The following LARGE1 variants were observed in gnomAD, a reference collection of about 807,000 sequenced individuals.
LARGE1 encodes xylosyl- and glucuronyltransferase LARGE1.
Under a neutral mutation model 87.6 loss-of-function variants are expected in LARGE1, and 43 were observed. The observed-to-expected ratio is 0.49, with a 90% CI of 0.38 to 0.63. The LOEUF (loss-of-function observed/expected upper bound fraction) is 0.63. LARGE1 is among the 30% of genes least tolerant of loss of function. LARGE1 has a pLI of 0.00. For synonymous variants in LARGE1, 434 were observed against 394.6 expected (o/e 1.10, Z -1.18); for missense variants, 802 against 1,000.2 (o/e 0.80, Z 2.67).
At chr22:33,309,283 C>T (rs948212186) in intron 11 of LARGE1, among the ~76,000 whole-genome samples, 2 of 152,096 alleles carry the variant, frequency 1.3e-5, no homozygotes, top group African/African-American at 2.4e-5. Flanking sequence ...TTTCCTGTCT[C>T]AGCCTTCTGA....
chr22:33,094,642 A>G, the LARGE1 span, among the ~76,000 whole-genome samples: 1 of 149,830 alleles, frequency 6.7e-6, no homozygotes, highest in Non-Finnish European at 1.5e-5. Context: ...ATTCTTTCAC[A>G]TCCTACTCAA....
At chr22:33,175,163 C>G (rs563528096) in intron 11 of LARGE1, among the ~76,000 whole-genome samples, 1 of 152,098 alleles carries the variant, frequency 6.6e-6, no homozygotes, top group Non-Finnish European at 1.5e-5. Flanking sequence ...CCCTGGGATG[C>G]AAAGCTGGTT....
intron 6 of LARGE1, among the ~76,000 whole-genome samples, chr22:33,513,682 G>A (rs1461580720): frequency 1.3e-5 from 2 of 152,172 alleles, no homozygotes; most frequent in African/African-American, 4.8e-5. Flanking sequence ...AGTTGGAAGA[G>A]ACAAGAGTTC....
intron 3 of LARGE1, among the ~76,000 whole-genome samples, chr22:33,631,350 T>C (rs2080106301): frequency 1.3e-5 from 2 of 152,210 alleles, no homozygotes; most frequent in Non-Finnish European, 2.9e-5. Context: ...TTTTGACTGT[T>C]TTATAACAAC....
At chr22:33,643,360 C>T (rs2080504152) in intron 3 of LARGE1, among the ~76,000 whole-genome samples, 1 of 152,138 alleles carries the variant, frequency 6.6e-6, no homozygotes, top group African/African-American at 2.4e-5. Context: ...AGAACAAAGA[C>T]ACAACATACC....
At chr22:33,554,298 C>T (rs574411612) in intron 6 of LARGE1, among the ~76,000 whole-genome samples, 6 of 152,156 alleles carry the variant, frequency 3.9e-5, no homozygotes, top group South Asian at 2.1e-4. Context: ...TGCAGGACCA[C>T]GCACTACAGA....
intron 6 of LARGE1, among the ~76,000 whole-genome samples, chr22:33,498,746 C>A (rs557987652): frequency 6.6e-6 from 1 of 152,012 alleles, no homozygotes; most frequent in Admixed American, 6.6e-5. Context: ...CCGAGGTGGG[C>A]GGATCACGAG....
At chr22:33,414,243 T>A (rs2066409716) in intron 7 of LARGE1, among the ~76,000 whole-genome samples, 1 of 152,090 alleles carries the variant, frequency 6.6e-6, no homozygotes, top group Admixed American at 6.5e-5. Context: ...TCTGCTCATA[T>A]GAGATATTTA....
At chr22:33,738,912 G>T (rs1026158514) in intron 2 of LARGE1, among the ~76,000 whole-genome samples, 6 of 149,926 alleles carry the variant, frequency 4.0e-5, no homozygotes, top group African/African-American at 1.5e-4. Context: ...ATGTCCCCAT[G>T]TATGTCCCTA....
intron 1 of LARGE1, among the ~76,000 whole-genome samples, chr22:33,865,047 C>T (rs1181460739): frequency 6.6e-6 from 1 of 152,188 alleles, no homozygotes; most frequent in East Asian, 1.9e-4. Context: ...AGACAGAACA[C>T]GTTTGGATGC....
chr22:33,099,601 C>T, the LARGE1 span, among the ~76,000 whole-genome samples: 6 of 152,166 alleles, frequency 3.9e-5, no homozygotes, highest in Non-Finnish European at 1.5e-5. Context: ...TCCCAGTGAA[C>T]ATTTCTTTCC....
chr22:33,532,148 A>G (rs995162957), intron 6 of LARGE1, among the ~76,000 whole-genome samples: 11 of 152,232 alleles, frequency 7.2e-5, no homozygotes, highest in African/African-American at 2.7e-4. Context: ...TCTATCCCTT[A>G]TTTCATTCCC....
chr22:33,598,521 C>T (rs957480791), intron 5 of LARGE1, among the ~76,000 whole-genome samples: 1 of 152,106 alleles, frequency 6.6e-6, no homozygotes, highest in East Asian at 1.9e-4. Context: ...TATCCCTCCC[C>T]CAGGCCCCCA....
At chr22:33,166,697 T>C (rs743794) in exon 12 of LARGE1, 81,684 of 468,382 alleles carry the variant, frequency 0.17, 8,570 homozygotes, top group South Asian at 0.33. Context: ...TCCAACATGC[T>C]GTAAAATTAG....
chr22:33,085,621 T>C, the LARGE1 span, among the ~76,000 whole-genome samples: 81 of 152,344 alleles, frequency 5.3e-4, no homozygotes, highest in Middle Eastern at 0.017. Context: ...TCTTGTCATT[T>C]TTGCAGCCAA....
intron 2 of LARGE1, among the ~76,000 whole-genome samples, chr22:33,718,311 C>T (rs2082973231): frequency 6.6e-6 from 1 of 152,132 alleles, no homozygotes; most frequent in Non-Finnish European, 1.5e-5. Flanking sequence ...AAAGACAGCA[C>T]TGTGGAGAGC....
intron 2 of LARGE1, among the ~76,000 whole-genome samples, chr22:33,661,948 G>A (rs2081135313): frequency 6.6e-6 from 1 of 151,986 alleles, no homozygotes; most frequent in Non-Finnish European, 1.5e-5. Context: ...GAAGAAAACT[G>A]AATGTGAAAC....
intron 3 of LARGE1, among the ~76,000 whole-genome samples, chr22:33,630,392 T>A (rs903395147): frequency 6.6e-6 from 1 of 152,174 alleles, no homozygotes; most frequent in Admixed American, 6.5e-5. Context: ...GGTGACTTTG[T>A]CTTCCGAGCA....
chr22:33,547,207 A>G (rs1313901018), intron 6 of LARGE1, among the ~76,000 whole-genome samples: 1 of 151,502 alleles, frequency 6.6e-6, no homozygotes, highest in Non-Finnish European at 1.5e-5. Context: ...CACGGAAGAC[A>G]ATTTTCCATG....
Sources: gnomAD v4.1 joint callset for allele counts (sites outside exome capture counted in the v4.1 genomes callset) on GRCh38, gnomAD v4.1.1 for gene constraint, MANE v1.5 for transcripts, NCBI Gene and HGNC (gene_info 2026-07-23, HGNC 2026-07-21) for gene names.